Variants in PCDHA7 observed in about 807,000 individuals in gnomAD.
PCDHA7 encodes the protein protocadherin alpha-7.
Under a neutral mutation model 57.2 loss-of-function variants are expected in PCDHA7, and 37 were observed. The observed-to-expected ratio is 0.65, with a 90% confidence interval of 0.50 to 0.85. The LOEUF is 0.85. PCDHA7 is among the 40% of genes least tolerant of loss of function. The pLI, the probability that PCDHA7 is intolerant of heterozygous loss-of-function variation, is 0.00. For synonymous variants in PCDHA7, 553 were observed against 558.8 expected (o/e 0.99, Z 0.15); for missense variants, 1,188 against 1,241.8 (o/e 0.96, Z 0.65).
chr5:140,895,124 T>A (rs2064859568), intron 1 of PCDHA7, among the ~76,000 whole-genome samples: 1 of 152,196 alleles, frequency 6.6e-6, no homozygotes, highest in Non-Finnish European at 1.5e-5. Flanking sequence ...ATTTGTTAGT[T>A]GACAAGTTCA....
intron 1 of PCDHA7, among the ~76,000 whole-genome samples, chr5:140,947,798 A>C (rs1164932467): frequency 7.3e-5 from 11 of 151,710 alleles, no homozygotes; most frequent in African/African-American, 1.9e-4. Context: ...CAGACTTTTA[A>C]TTTGCAGAGA....
intron 1 of PCDHA7, among the ~76,000 whole-genome samples, chr5:140,935,338 T>C (rs2090317634): frequency 1.3e-5 from 2 of 152,364 alleles, no homozygotes; most frequent in African/African-American, 4.8e-5. Context: ...ATTTCTCCCA[T>C]ACGTCAAATC....
chr5:140,960,788 G>A (rs1268913888), intron 1 of PCDHA7, among the ~76,000 whole-genome samples: 1 of 152,086 alleles, frequency 6.6e-6, no homozygotes, highest in Non-Finnish European at 1.5e-5. Context: ...GCCAAACAAG[G>A]TTTCTATTAA....
At chr5:141,004,839 C>G (rs1168305271) in intron 3 of PCDHA7, among the ~76,000 whole-genome samples, 1 of 152,168 alleles carries the variant, frequency 6.6e-6, no homozygotes, top group Non-Finnish European at 1.5e-5. Context: ...AGATCAAAGT[C>G]ATTAGTCTCA....
Position 140,841,614 on chromosome 5 carries a change from G to A in PCDHA7, c.2355+4876G>A, listed in dbSNP as rs144868773. On this transcript the variant is annotated intron_variant, in intron 1 of 3. Transcript: ENST00000525929. The stretch of plus-strand genomic sequence containing the variant: ...ATCGACCGCGAGGAGCTGTGCGGGC[G>A]GAGCGCGGAGTGCAGCATCCACCTG... 3,076 of 1,614,122 alleles carry A rather than the reference G, an allele frequency of 1.9e-3. 76 individuals carry two copies. The African/African-American group carries it at 0.036, about 19-fold the overall frequency.
chr5:140,872,015 G>T (rs1322069149), intron 1 of PCDHA7, among the ~76,000 whole-genome samples: 3 of 152,208 alleles, frequency 2.0e-5, no homozygotes, highest in Non-Finnish European at 4.4e-5. Flanking sequence ...GTGACCTGTA[G>T]CCTGGAACTG....
At chr5:140,972,749 C>T (rs6899060) in intron 1 of PCDHA7, among the ~76,000 whole-genome samples, 3,772 of 151,356 alleles carry the variant, frequency 0.025, 151 homozygotes, top group African/African-American at 0.085. Flanking sequence ...CTGCAACCTC[C>T]GCCTCCCAAG....
rs2096607447 is a variant in PCDHA7, at chr5:140,973,909, C to T, written c.2356-5040C>T. 2.0e-5 allele frequency among the ~76,000 whole-genome samples: 3 copies of T among 152,194 alleles called. 1 individual carries two copies. The highest frequency in any genetic ancestry group is 2.0e-4 in the Admixed American group (3 of 15,280). On this transcript the variant is annotated intron_variant, in intron 1 of 3. Coordinates refer to ENST00000525929, the MANE Select transcript of PCDHA7 (RefSeq NM_018910.3). ...ATTTGCAAATGTTTGAGGAAACATT[C>T]CTGTCACCAAACCCAGAGGTTTAGC...
Position 140,982,836 on chromosome 5 carries a change from T to C in PCDHA7, c.2503+273T>C, listed in dbSNP as rs2097010696. 2.6e-5 allele frequency among the ~76,000 whole-genome samples: 4 copies of C among 152,244 alleles called. No individual in the cohort carries two copies. The South Asian group carries it at 8.3e-4, about 32-fold the overall frequency. ...ATGAAGTTTTTGGGGTTTGTTTGTT[T>C]GTTTAAATCAGGTACCTTTCAAATG... On this transcript the variant is annotated intron_variant, in intron 3 of 3. Coordinates refer to ENST00000525929, the MANE Select transcript of PCDHA7 (RefSeq NM_018910.3).
intron 1 of PCDHA7, among the ~76,000 whole-genome samples, chr5:140,974,870 A>G (rs781837180): frequency 9.9e-5 from 15 of 152,182 alleles, no homozygotes; most frequent in African/African-American, 1.4e-4. Context: ...AATGCGGAAC[A>G]GTCTATGTAT....
At position 140,991,361 on chromosome 5, in the gene PCDHA7, G is replaced by A. The variant is rs1183124741; in HGVS notation, c.2503+8798G>A. On this transcript the variant is annotated intron_variant, in intron 3 of 3. Transcript: ENST00000525929. ...GGTAACTTGGAAAAGACTATTTACT[G>A]TCTGAGTTCTAGGCCAACTGTAGGG... Among the ~76,000 whole-genome samples, 3 of 152,200 alleles carry A rather than the reference G, an allele frequency of 2.0e-5. No individual in the cohort carries two copies. In the East Asian group the frequency reaches 5.8e-4, roughly 29 times the overall value.
rs1472597239 is a variant in PCDHA7, at chr5:140,928,524, TG to T, written c.2356-50424del. 16 of 1,614,070 alleles carry T rather than the reference TG, an allele frequency of 9.9e-6. No individual in the cohort carries two copies. The African/African-American group carries it at 2.1e-4, about 22-fold the overall frequency. On this transcript the variant is annotated intron_variant, in intron 1 of 3. Transcript: ENST00000525929. Reference sequence around the variant, plus strand: ...GTGCAACAGTGACTATAAACTTGTTTGTGGTAGATAGGAATGACAATTATCC... The same window carrying T: ...GTGCAACAGTGACTATAAACTTGTTTTGGTAGATAGGAATGACAATTATCC...
intron 1 of PCDHA7, chr5:140,857,484 G>T (rs1044921765): frequency 6.3e-7 from 1 of 1,598,534 alleles, no homozygotes; most frequent in Admixed American, 1.7e-5. Context: ...GTGTCTGCGT[G>T]GGACGCGGAC....
intron 1 of PCDHA7, chr5:140,967,804 A>G (rs1168632160): frequency 6.2e-7 from 1 of 1,614,090 alleles, no homozygotes; most frequent in Admixed American, 1.7e-5. Flanking sequence ...TGCCCATGGC[A>G]GGTCACTGCA....
intron 1 of PCDHA7, chr5:140,877,090 G>C: frequency 2.5e-6 from 4 of 1,613,186 alleles, no homozygotes; most frequent in Non-Finnish European, 3.4e-6. Flanking sequence ...CGCGCGCGAC[G>C]CCGGCGTGCC....
At chr5:140,938,174 G>A (rs1394846002) in intron 1 of PCDHA7, among the ~76,000 whole-genome samples, 3 of 152,200 alleles carry the variant, frequency 2.0e-5, no homozygotes, top group Admixed American at 6.5e-5. Context: ...TGGAGCTCCT[G>A]GGCTCAAGCA....
rs1310141347 is a variant in PCDHA7, at chr5:140,970,963, T to C, written c.2356-7986T>C. ...TGCTGAGAAACCATGGGAGGCAGAT[T>C]GTAGATTAAGAAAAATGGGGGAATA... On this transcript the variant is annotated intron_variant, in intron 1 of 3. Coordinates refer to ENST00000525929, the MANE Select transcript of PCDHA7 (RefSeq NM_018910.3). Among the ~76,000 whole-genome samples, 41 of 152,180 alleles carry C rather than the reference T, an allele frequency of 2.7e-4. 1 individual carries two copies. Among genetic ancestry groups the C allele is most frequent in the Admixed American group, 2.7e-3 (41 of 15,274 alleles).
chr5:140,881,445 A>C, intron 1 of PCDHA7: 1 of 783,070 alleles, frequency 1.3e-6, no homozygotes, highest in Non-Finnish European at 1.6e-6. Flanking sequence ...TAAAAACAGA[A>C]TCCAAAACCT....
chr5:140,973,815 A>C (rs2096603789), intron 1 of PCDHA7, among the ~76,000 whole-genome samples: 1 of 152,224 alleles, frequency 6.6e-6, no homozygotes, highest in African/African-American at 2.4e-5. Flanking sequence ...CAGAATAGCA[A>C]AGTCAGTTCT....
Sources: gnomAD v4.1 joint callset for allele counts (sites outside exome capture counted in the v4.1 genomes callset) on GRCh38, gnomAD v4.1.1 for gene constraint, MANE v1.5 for transcripts, NCBI Gene and HGNC (gene_info 2026-07-23, HGNC 2026-07-21) for gene names.